The following ENTPD1 variants were observed in gnomAD, a reference collection of about 807,000 sequenced individuals.
ENTPD1 encodes the protein ectonucleoside triphosphate diphosphohydrolase 1.
Under a neutral mutation model 57.0 loss-of-function variants are expected in ENTPD1, and 33 were observed. The ratio of observed to expected loss-of-function variants is 0.58; its 90% confidence interval spans 0.44 to 0.77. ENTPD1 has a LOEUF of 0.77. ENTPD1 is among the 30% of genes least tolerant of loss of function. ENTPD1 has a pLI of 0.00. For missense variants in ENTPD1, 501 were observed against 603.4 expected (o/e 0.83, Z 1.78); for synonymous variants, 202 against 218.8 (o/e 0.92, Z 0.68).
Position 95,872,023 on chromosome 10 carries a change from T to G in ENTPD1, c.*5640T>G, listed in dbSNP as rs2141029041. The G allele has an allele frequency of 1.0e-6, 1 of 985,452 alleles. No homozygotes were observed. Among genetic ancestry groups the G allele is most frequent in the South Asian group, 4.7e-5 (1 of 21,292 alleles). 61.0% of individuals were successfully genotyped at this position (985,452 alleles called of 1,614,324 possible). ...TTACATGATTAATGCCACCCCTGCC[T>G]CAATGAACCAAGATCAGCTCCATCA... On this transcript the variant is annotated 3_prime_UTR_variant, in exon 10 of 10. Transcript: ENST00000371205.
intron 1 of ENTPD1, among the ~76,000 whole-genome samples, chr10:95,788,138 C>T (rs1407264416): frequency 1.3e-5 from 2 of 152,130 alleles, no homozygotes; most frequent in Non-Finnish European, 2.9e-5. Context: ...AAATGACTGA[C>T]TAGTTCATCT....
chr10:95,809,840 G>A lies in ENTPD1; in HGVS notation c.17-13397G>A, dbSNP rs1441208274. 1.5e-4 allele frequency among the ~76,000 whole-genome samples: 22 copies of A among 142,836 alleles called. 1 individual carries two copies. Among genetic ancestry groups the A allele is most frequent in the Non-Finnish European group, 2.8e-4 (18 of 65,014 alleles). 93.7% of individuals were successfully genotyped at this position (142,836 alleles called of 152,430 possible). On this transcript the variant is annotated intron_variant, in intron 1 of 9. Transcript: ENST00000371205. ...CCACTTCCCAGACGGGGCAGCGGCC[G>A]GGCTGAGATGCTCCTCACTTCCCAG...
chr10:95,866,122 G>T (rs1056016027), intron 9 of ENTPD1, 55 bp from the exon 10 acceptor site: 14 of 1,569,016 alleles, frequency 8.9e-6, no homozygotes, highest in Non-Finnish European at 1.2e-5. Context: ...TAAGCCCTAG[G>T]TGATAACTCT....
chr10:95,740,395 G>A (rs1379352054), intron 1 of ENTPD1, among the ~76,000 whole-genome samples: 1 of 152,200 alleles, frequency 6.6e-6, no homozygotes, highest in Non-Finnish European at 1.5e-5. Flanking sequence ...AAAGTCCTGG[G>A]ATTACAGGCG....
At chr10:95,730,662 A>T (rs1412356656) in intron 1 of ENTPD1, among the ~76,000 whole-genome samples, 1 of 152,268 alleles carries the variant, frequency 6.6e-6, no homozygotes, top group African/African-American at 2.4e-5. Flanking sequence ...TTATTTATTT[A>T]TAGCCATTCT....
At chr10:95,709,973 C>T (rs182494007), upstream of ENTPD1, among the ~76,000 whole-genome samples, 6 of 152,068 alleles carry the variant, frequency 3.9e-5, no homozygotes, top group African/African-American at 1.4e-4. Context: ...AGGGTTTCAC[C>T]ATGTTGACCA....
chr10:95,820,712 C>T (rs979467374), intron 1 of ENTPD1, among the ~76,000 whole-genome samples: 2 of 152,146 alleles, frequency 1.3e-5, no homozygotes, highest in African/African-American at 2.4e-5. Context: ...CCAATTCTAC[C>T]GCAAGTCACT....
chr10:95,760,814 C>CTTTTTTTTTTTTTTTTTT lies in ENTPD1; in HGVS notation c.16+4575_16+4592dup, dbSNP rs71034350. On this transcript the variant is annotated intron_variant, in intron 1 of 9. Coordinates refer to ENST00000371205, the MANE Select transcript of ENTPD1 (RefSeq NM_001776.6). ...TGGAGTAAATTACATAGAGTTTATT[C>CTTTTTTTTTTTTTTTTTT]TTTTTTTTTTTTTTTTTTTTTTTTT... 5.4e-4 allele frequency among the ~76,000 whole-genome samples: 34 copies of CTTTTTTTTTTTTTTTTTT among 62,972 alleles called. 8 individuals are homozygous for CTTTTTTTTTTTTTTTTTT. The highest frequency in any genetic ancestry group is 2.5e-3 in the South Asian group (3 of 1,184). 41.3% of individuals were successfully genotyped at this position (62,972 alleles called of 152,430 possible). A position where few individuals can be genotyped will look rare whatever the true frequency, so the allele number is the denominator to read the frequency against.
rs1590238852 is a variant in ENTPD1 at position 95,873,833 on chromosome 10, C to A, written c.*7450C>A. 6 of 412,752 alleles carry A rather than the reference C, an allele frequency of 1.5e-5. No homozygotes were observed. The highest frequency in any genetic ancestry group is 2.0e-5 in the Non-Finnish European group (6 of 306,276). 25.6% of individuals were successfully genotyped at this position (412,752 alleles called of 1,614,324 possible). On this transcript the variant is annotated 3_prime_UTR_variant, in exon 10 of 10. Coordinates refer to ENST00000371205, the MANE Select transcript of ENTPD1 (RefSeq NM_001776.6). ...GGTGGGAGGCAAAAGGTACTTCTTACGTGGTGGCATCAAGAGCAAAATGAG... is the reference window on the plus strand; with the variant it reads ...GGTGGGAGGCAAAAGGTACTTCTTAAGTGGTGGCATCAAGAGCAAAATGAG...
chr10:95,873,807 A>C lies in ENTPD1; in HGVS notation c.*7424A>C. On this transcript the variant is annotated 3_prime_UTR_variant, in exon 10 of 10. Transcript: ENST00000371205. ...ACATGGCTGGGGAGGCCTCAAAATCAGGTGGGAGGCAAAAGGTACTTCTTA... is the reference window on the plus strand; with the variant it reads ...ACATGGCTGGGGAGGCCTCAAAATCCGGTGGGAGGCAAAAGGTACTTCTTA... 1.5e-6 allele frequency: 1 copy of C among 678,346 alleles called. No individual in the cohort carries two copies. The highest frequency in any genetic ancestry group is 1.8e-6 in the Non-Finnish European group (1 of 549,172). 42.0% of individuals were successfully genotyped at this position (678,346 alleles called of 1,614,324 possible). A position where few individuals can be genotyped will look rare whatever the true frequency, so the allele number is the denominator to read the frequency against.
In ENTPD1 at chr10:95,872,579, G is replaced by C; in HGVS notation, c.*6196G>C. 7 of 985,400 alleles carry C rather than the reference G, an allele frequency of 7.1e-6. No individual in the cohort carries two copies. Among genetic ancestry groups the C allele is most frequent in the Non-Finnish European group, 8.4e-6 (7 of 829,918 alleles). The allele number at this position is 985,400 out of a possible 1,614,324, so 61.0% of individuals were successfully genotyped here. On this transcript the variant is annotated 3_prime_UTR_variant, in exon 10 of 10. Coordinates refer to ENST00000371205, the MANE Select transcript of ENTPD1 (RefSeq NM_001776.6). The stretch of plus-strand genomic sequence containing the variant: ...CAACCCTTTAACTGAGCCTCCATTA[G>C]TGCACTGAGACCATTCTGTTCAGTG...
rs201473674 is a variant in ENTPD1, at chr10:95,735,050, G to A, written c.37+23057G>A. On this transcript the variant is annotated intron_variant, in intron 1 of 9. Coordinates refer to the ENTPD1 transcript ENST00000453258. The stretch of plus-strand genomic sequence containing the variant: ...ATTTTTTTTTTTTTTTTTTTTTTTA[G>A]ACAGAGTCTTGCTCTGTCTTGCCCA... Among the ~76,000 whole-genome samples, 39 of 104,942 alleles carry A rather than the reference G, an allele frequency of 3.7e-4. 1 individual carries two copies. In the East Asian group the frequency reaches 1.0e-2, roughly 27 times the overall value. The allele number at this position is 104,942 out of a possible 152,430, so 68.8% of individuals were successfully genotyped here.
intron 1 of ENTPD1, among the ~76,000 whole-genome samples, chr10:95,792,296 A>G (rs1278904836): frequency 6.6e-6 from 1 of 152,178 alleles, no homozygotes; most frequent in Admixed American, 6.5e-5. Flanking sequence ...ACAAAATTAC[A>G]ACAAATTTAG....
intron 1 of ENTPD1, among the ~76,000 whole-genome samples, chr10:95,758,482 C>T (rs1566111425): frequency 6.6e-6 from 1 of 152,110 alleles, no homozygotes. Context: ...CCCTTTAAGC[C>T]TTCTCTAATC....
chr10:95,846,815 C>A lies in ENTPD1; in HGVS notation c.814-631C>A, dbSNP rs539707781. Among the ~76,000 whole-genome samples the A allele has an allele frequency of 2.0e-5, 3 of 152,130 alleles. No homozygotes were observed. The East Asian group carries it at 5.8e-4, about 29-fold the overall frequency. On this transcript the variant is annotated intron_variant, in intron 6 of 9. Transcript: ENST00000371205. ...CCAGCCTGACCAACATGGCGACACC[C>A]CGTCTCTACTAAAAATACAAAAAAT...
intron 1 of ENTPD1, among the ~76,000 whole-genome samples, chr10:95,777,799 G>A (rs192788778): frequency 3.2e-3 from 481 of 152,326 alleles, no homozygotes; most frequent in Middle Eastern, 0.01. Flanking sequence ...GCTGAGCTGC[G>A]GTGGGCTCTG....
chr10:95,852,870 C>A (rs1256145255), intron 7 of ENTPD1, among the ~76,000 whole-genome samples: 1 of 152,160 alleles, frequency 6.6e-6, no homozygotes, highest in Non-Finnish European at 1.5e-5. Context: ...AGCGTGATGC[C>A]TTCAGCTTTG....
chr10:95,825,395 T>C (rs1183182856), intron 2 of ENTPD1, among the ~76,000 whole-genome samples: 1 of 152,200 alleles, frequency 6.6e-6, no homozygotes, highest in African/African-American at 2.4e-5. Context: ...TCTTGCATGG[T>C]TTGTAAACTA....
intron 1 of ENTPD1, among the ~76,000 whole-genome samples, chr10:95,809,798 C>G (rs552207160): frequency 6.6e-6 from 1 of 150,500 alleles, no homozygotes; most frequent in Non-Finnish European, 1.5e-5. Flanking sequence ...GACGGGGCGG[C>G]GGGGCAGAAG....
Sources: allele counts gnomAD v4.1 joint callset (sites outside exome capture counted in the v4.1 genomes callset), GRCh38; gene constraint gnomAD v4.1.1; transcripts MANE v1.5; gene names NCBI Gene and HGNC (gene_info 2026-07-23, HGNC 2026-07-21).